The following CFLAR variants were observed in gnomAD, a reference collection of about 807,000 sequenced individuals.
The protein encoded by CFLAR is CASP8 and FADD-like apoptosis regulator.
Under a neutral mutation model 51.1 loss-of-function variants are expected in CFLAR, and 14 were observed. The observed-to-expected ratio is 0.27, with a 90% confidence interval of 0.18 to 0.43. CFLAR has a LOEUF of 0.43. CFLAR is among the 20% of genes least tolerant of loss of function. The pLI is 1.00. For missense variants in CFLAR, 390 were observed against 566.5 expected (o/e 0.69, Z 3.16); for synonymous variants, 210 against 211.6 (o/e 0.99, Z 0.06).
chr2:201,146,036 G>C (rs1380799065), intron 6 of CFLAR, among the ~76,000 whole-genome samples: 8 of 151,518 alleles, frequency 5.3e-5, no homozygotes, highest in African/African-American at 1.9e-4. Context: ...GTACACTTTT[G>C]GCTCACTACA....
At chr2:201,130,721 A>G (rs2049222225) in intron 2 of CFLAR, among the ~76,000 whole-genome samples, 1 of 152,122 alleles carries the variant, frequency 6.6e-6, no homozygotes, top group African/African-American at 2.4e-5. Context: ...GGCAGCTGGT[A>G]TGTGTTTGCC....
intron 2 of CFLAR, among the ~76,000 whole-genome samples, chr2:201,131,532 A>T (rs924170917): frequency 2.0e-5 from 3 of 152,128 alleles, no homozygotes; most frequent in Non-Finnish European, 4.4e-5. Flanking sequence ...CACCATGCCC[A>T]GCCGGTGTTT....
chr2:201,137,727 C>G (rs568907149), intron 4 of CFLAR: 3 of 788,044 alleles, frequency 3.8e-6, no homozygotes, highest in African/African-American at 3.4e-5. Flanking sequence ...CTGGATGGAG[C>G]CCAAGACATC....
rs760513616 is a variant in CFLAR at position 201,171,620 on chromosome 2, C to T, written c.*7647C>T. On this transcript the variant is annotated 3_prime_UTR_variant, in exon 10 of 10. Coordinates refer to ENST00000309955, the MANE Select transcript of CFLAR (RefSeq NM_003879.7). Reference sequence around the variant, plus strand: ...GGGACACGTTTACCTATGTAACAAACCCGCACATCCTGCACTTGTATCCAG... The same window carrying T: ...GGGACACGTTTACCTATGTAACAAATCCGCACATCCTGCACTTGTATCCAG... 5.3e-5 allele frequency: 8 copies of T among 151,972 alleles called. No individual in the cohort carries two copies. Among genetic ancestry groups the T allele is most frequent in the Non-Finnish European group, 8.8e-5 (6 of 68,020 alleles). The allele number at this position is 151,972 out of a possible 1,614,324, so 9.4% of individuals were successfully genotyped here.
chr2:201,125,828 C>T (rs1411532786), intron 1 of CFLAR, among the ~76,000 whole-genome samples: 1 of 152,144 alleles, frequency 6.6e-6, no homozygotes, highest in Admixed American at 6.5e-5. Context: ...CTTCTCCCTT[C>T]CTTCGGAACT....
intron 5 of CFLAR, among the ~76,000 whole-genome samples, chr2:201,144,593 C>G (rs1487399657): frequency 6.6e-6 from 1 of 152,176 alleles, no homozygotes; most frequent in Non-Finnish European, 1.5e-5. Flanking sequence ...AGTTAAATAA[C>G]TTGCTCGAGG....
intron 5 of CFLAR, chr2:201,140,722 CTT>C (rs1015659166): frequency 2.3e-5 from 6 of 260,502 alleles, no homozygotes; most frequent in Admixed American, 2.1e-4. Context: ...CTTCTAGACT[CTT>C]TTTTATGTGG....
chr2:201,151,472 C>CA lies in CFLAR; in HGVS notation c.793+1640dup, dbSNP rs1227897579. ...AAAGGCTAAGAGAAGGTCAAATTAG[C>CA]AAATATAATACTAAATTTTCCAGGA... On this transcript the variant is annotated intron_variant, in intron 8 of 9. Transcript: ENST00000309955. Among the ~76,000 whole-genome samples, 27 of 152,222 alleles carry CA rather than the reference C, an allele frequency of 1.8e-4. No homozygotes were observed. In the East Asian group the frequency reaches 5.0e-3, roughly 28 times the overall value.
intron 8 of CFLAR, among the ~76,000 whole-genome samples, chr2:201,157,220 C>T (rs991415374): frequency 1.3e-5 from 2 of 152,204 alleles, no homozygotes; most frequent in African/African-American, 2.4e-5. Flanking sequence ...GCGATCTTGG[C>T]TCCTCCACTT....
Position 201,118,395 on chromosome 2 carries a change from C to T in CFLAR, c.-138+1914C>T, listed in dbSNP as rs1030540406. 7 of 152,268 alleles carry T rather than the reference C, an allele frequency of 4.6e-5. No homozygotes were observed. The highest frequency in any genetic ancestry group is 2.0e-4 in the Admixed American group (3 of 15,290). 9.4% of individuals were successfully genotyped at this position (152,268 alleles called of 1,614,324 possible). ...AGTTTTTTGAGCCTTGGGCTGGGGA[C>T]CTCCAGGAAGCTGAAGCGGAAATTG... On this transcript the variant is annotated intron_variant, in intron 1 of 9. Coordinates refer to ENST00000309955, the MANE Select transcript of CFLAR (RefSeq NM_003879.7). This position sits in a 1 kb window ranked among gnomAD's most constrained non-coding sequence, Gnocchi z 5.1.
intron 1 of CFLAR, among the ~76,000 whole-genome samples, chr2:201,119,515 G>T (rs2125584414): frequency 6.6e-6 from 1 of 152,220 alleles, no homozygotes; most frequent in South Asian, 2.1e-4. Flanking sequence ...GAACCCGGTC[G>T]TTCTTTCTTA....
At chr2:201,141,193 G>A (rs1938751049) in intron 5 of CFLAR, among the ~76,000 whole-genome samples, 1 of 152,114 alleles carries the variant, frequency 6.6e-6, no homozygotes, top group Admixed American at 6.6e-5. Flanking sequence ...TCGCGCCATT[G>A]TACTCCAGCC....
At position 201,175,748 on chromosome 2, in the gene CFLAR, T is replaced by C. The variant is rs1194621722; in HGVS notation, c.*11775T>C. 1 of 152,106 alleles carries C rather than the reference T, an allele frequency of 6.6e-6. No individual in the cohort carries two copies. Among genetic ancestry groups the C allele is most frequent in the East Asian group, 1.9e-4 (1 of 5,170 alleles). The allele number at this position is 152,106 out of a possible 1,614,324, so 9.4% of individuals were successfully genotyped here. A position where few individuals can be genotyped will look rare whatever the true frequency, so the allele number is the denominator to read the frequency against. ...TCTTTCCTCCTCAGAAGAAAGAATT[T>C]GACTGAGGGGCATAAGGCAGAAGGA... is the stretch of plus-strand genomic sequence containing the variant. On this transcript the variant is annotated 3_prime_UTR_variant, in exon 10 of 10. Coordinates refer to ENST00000309955, the MANE Select transcript of CFLAR (RefSeq NM_003879.7).
intron 3 of CFLAR, among the ~76,000 whole-genome samples, chr2:201,134,357 G>T (rs2049808623): frequency 6.7e-6 from 1 of 149,868 alleles, no homozygotes; most frequent in South Asian, 2.1e-4. Flanking sequence ...AATGGCTCAT[G>T]GGCACAGTGG....
chr2:201,166,061 CG>C lies in CFLAR; in HGVS notation c.*2089del, dbSNP rs1292142223. The C allele has an allele frequency of 5.2e-6, 1 of 192,610 alleles. No homozygotes were observed. Among genetic ancestry groups the C allele is most frequent in the East Asian group, 1.6e-4 (1 of 6,178 alleles). 11.9% of individuals were successfully genotyped at this position (192,610 alleles called of 1,614,324 possible). A position where few individuals can be genotyped will look rare whatever the true frequency, so the allele number is the denominator to read the frequency against. On this transcript the variant is annotated 3_prime_UTR_variant, in exon 10 of 10. Transcript: ENST00000309955. Reference sequence around the variant, plus strand: ...CTTTTCTATTCCACAAAACCGCCATCGTCATCATGGCCTGTTCTCAATGAGC... The same window carrying C: ...CTTTTCTATTCCACAAAACCGCCATCTCATCATGGCCTGTTCTCAATGAGC...
chr2:201,153,903 CTT>C lies in CFLAR; in HGVS notation c.793+4089_793+4090del, dbSNP rs747813572. 6.0e-3 allele frequency among the ~76,000 whole-genome samples: 619 copies of C among 102,972 alleles called. 2 individuals carry two copies. Among genetic ancestry groups the C allele is most frequent in the African/African-American group, 0.024 (582 of 24,006 alleles). The allele number at this position is 102,972 out of a possible 152,430, so 67.6% of individuals were successfully genotyped here. On this transcript the variant is annotated intron_variant, in intron 8 of 9. Coordinates refer to ENST00000309955, the MANE Select transcript of CFLAR (RefSeq NM_003879.7). ...AGGAATATTCTATTTTCTTTTCTTTCTTTTTTTTTTTTTTTTTTTTTTGACAG... is the reference window on the plus strand; with the variant it reads ...AGGAATATTCTATTTTCTTTTCTTTCTTTTTTTTTTTTTTTTTTTTGACAG...
chr2:201,148,900 A>C, intron 6 of CFLAR, 103 bp from the exon 7 acceptor site: 1 of 769,288 alleles, frequency 1.3e-6, no homozygotes, highest in Non-Finnish European at 2.3e-6. Context: ...ATTGAAGAAA[A>C]TAGGAAGGGA....
Position 201,140,443 on chromosome 2 carries a change from A to C in CFLAR, c.606+4A>C. The C allele has an allele frequency of 2.5e-6, 4 of 1,585,800 alleles. No individual in the cohort carries two copies. The highest frequency in any genetic ancestry group is 3.4e-6 in the Non-Finnish European group (4 of 1,170,336). On this transcript the variant is annotated splice_donor_region_variant and intron_variant, in intron 5 of 9. Coordinates refer to ENST00000309955, the MANE Select transcript of CFLAR (RefSeq NM_003879.7). ...GGATCCTTCAAATAACTTCAGGGTG[A>C]GTCTGGAGAAAACATATGGAATCCC...
At chr2:201,156,877 A>G (rs1218545668) in intron 8 of CFLAR, among the ~76,000 whole-genome samples, 1 of 152,066 alleles carries the variant, frequency 6.6e-6, no homozygotes, top group Non-Finnish European at 1.5e-5. Context: ...CCAGCCCCCA[A>G]GTTTTTCTTC....
Sources: gnomAD v4.1 joint callset for allele counts (sites outside exome capture counted in the v4.1 genomes callset) on GRCh38, gnomAD v4.1.1 for gene constraint, Gnocchi (gnomAD v3.1) non-coding constraint, MANE v1.5 for transcripts, NCBI Gene and HGNC (gene_info 2026-07-23, HGNC 2026-07-21) for gene names.